The following LINGO2 variants were observed in gnomAD, a reference collection of about 807,000 sequenced individuals.
LINGO2 encodes the protein leucine-rich repeat and immunoglobulin-like domain-containing nogo receptor-interacting protein 2.
LINGO2 carries 14 observed loss-of-function variants against 30.6 expected under a neutral mutation model. The ratio of observed to expected loss-of-function variants is 0.46; its 90% CI spans 0.30 to 0.72. LINGO2 has a LOEUF of 0.72. Among genes scored for constraint, LINGO2 ranks in the 30% least tolerant of loss-of-function variants. LINGO2 has a pLI of 0.07. For missense variants in LINGO2, 729 were observed against 751.7 expected (o/e 0.97, Z 0.35); for synonymous variants, 317 against 288.5 (o/e 1.10, Z -1.00).
At chr9:28,595,326 C>T (rs1421960864) in intron 1 of LINGO2, among the ~76,000 whole-genome samples, 3 of 151,956 alleles carry the variant, frequency 2.0e-5, no homozygotes. Context: ...ATGTTGAGCT[C>T]AACTTTTTCC....
the LINGO2 span, among the ~76,000 whole-genome samples, chr9:29,060,623 G>A: frequency 5.3e-5 from 8 of 151,914 alleles, no homozygotes; most frequent in African/African-American, 1.9e-4. Flanking sequence ...CCTACTCTAT[G>A]AGGTAAAACC....
At chr9:28,787,615 C>G in the LINGO2 span, among the ~76,000 whole-genome samples, 1 of 152,100 alleles carries the variant, frequency 6.6e-6, no homozygotes, top group South Asian at 2.1e-4. Flanking sequence ...GTGTCTTTTA[C>G]CCGGTAGTTC....
At chr9:29,073,353 G>A in the LINGO2 span, among the ~76,000 whole-genome samples, 2 of 152,024 alleles carry the variant, frequency 1.3e-5, no homozygotes, top group African/African-American at 4.8e-5. Flanking sequence ...GTTAAGTAAT[G>A]GGGGAAAAAA....
the LINGO2 span, among the ~76,000 whole-genome samples, chr9:29,001,089 GTA>G: frequency 1.1e-5 from 1 of 88,296 alleles, no homozygotes; most frequent in Middle Eastern, 6.7e-3. Context: ...TTGTATATTT[GTA>G]TGTGTGTGTG....
the LINGO2 span, among the ~76,000 whole-genome samples, chr9:29,212,612 C>A: frequency 6.6e-6 from 1 of 151,408 alleles, no homozygotes; most frequent in African/African-American, 2.4e-5. Context: ...AAAAAAAAAA[C>A]CTCTCTGGTA....
chr9:28,231,620 C>T lies in LINGO2; in HGVS notation c.-87+63588G>A, dbSNP rs151028553. On this transcript the variant is annotated intron_variant, in intron 4 of 5. Transcript: ENST00000379992. ...GTTTTAAGACATCTGACACTCTCTT[C>T]CCTAATGGGTTTCAAAGGACATACT... Among the ~76,000 whole-genome samples, 57 of 152,184 alleles carry T rather than the reference C, an allele frequency of 3.7e-4. 1 individual carries two copies. In the East Asian group the frequency reaches 9.3e-3, roughly 25 times the overall value.
intron 4 of LINGO2, among the ~76,000 whole-genome samples, chr9:28,138,933 GA>G (rs1161760686): frequency 1.3e-5 from 2 of 151,792 alleles, no homozygotes; most frequent in African/African-American, 4.8e-5. Flanking sequence ...ATTTGTCTAA[GA>G]AAAAAAATGG....
the LINGO2 span, among the ~76,000 whole-genome samples, chr9:29,014,608 A>G: frequency 0.014 from 2,111 of 152,294 alleles, 37 homozygotes; most frequent in African/African-American, 0.047. Flanking sequence ...AACCCAGTTA[A>G]TATGGCCTAG....
At chr9:28,502,644 T>A (rs968830199) in intron 1 of LINGO2, among the ~76,000 whole-genome samples, 2 of 152,098 alleles carry the variant, frequency 1.3e-5, no homozygotes, top group African/African-American at 4.8e-5. Flanking sequence ...TTGAATATTA[T>A]AGTGACATTT....
At chr9:28,430,107 C>CGCGCGA (rs1823595920) in intron 2 of LINGO2, among the ~76,000 whole-genome samples, 2 of 18,190 alleles carry the variant, frequency 1.1e-4, no homozygotes, top group Non-Finnish European at 4.9e-4. Context: ...CGCGCGCGCG[C>CGCGCGA]GCGTGTGTGT....
At chr9:28,727,807 T>C in the LINGO2 span, among the ~76,000 whole-genome samples, 107 of 152,228 alleles carry the variant, frequency 7.0e-4, no homozygotes, top group Middle Eastern at 0.017. Context: ...GTGGACCAGA[T>C]GTGGACCAAG....
intron 4 of LINGO2, among the ~76,000 whole-genome samples, chr9:28,278,090 C>T (rs776327467): frequency 1.4e-4 from 21 of 152,118 alleles, no homozygotes; most frequent in Non-Finnish European, 2.6e-4. Context: ...AAACCAGACA[C>T]AAGATTCCAT....
chr9:28,612,825 A>G (rs1825975908), intron 1 of LINGO2, among the ~76,000 whole-genome samples: 1 of 152,106 alleles, frequency 6.6e-6, no homozygotes, highest in African/African-American at 2.4e-5. Flanking sequence ...AAAGGGACAT[A>G]AGATTTTGGG....
the LINGO2 span, among the ~76,000 whole-genome samples, chr9:28,774,147 G>A: frequency 6.6e-6 from 1 of 151,676 alleles, no homozygotes; most frequent in Non-Finnish European, 1.5e-5. Flanking sequence ...CAAGAAACTT[G>A]AGCTTTCTCT....
the LINGO2 span, among the ~76,000 whole-genome samples, chr9:28,797,329 CATATATATATAT>C: frequency 4.6e-3 from 306 of 65,950 alleles, 4 homozygotes; most frequent in African/African-American, 0.015. Flanking sequence ...ATCATATATA[CATATATATATAT>C]ATATATATAT....
chr9:28,355,333 GTC>G lies in LINGO2; in HGVS notation c.-246+17501_-246+17502del, dbSNP rs372527860. The stretch of plus-strand genomic sequence containing the variant: ...TCTCTCTCTCTCTCTCTCTGTCTCT[GTC>G]TCTCTCTCTCTCTCTCTCTCCCTCC... On this transcript the variant is annotated intron_variant, in intron 3 of 5. Transcript: ENST00000379992. Among the ~76,000 whole-genome samples, 487 of 63,708 alleles carry G rather than the reference GTC, an allele frequency of 7.6e-3. 8 individuals carry two copies. Among genetic ancestry groups the G allele is most frequent in the African/African-American group, 0.019 (383 of 20,384 alleles). 41.8% of individuals were successfully genotyped at this position (63,708 alleles called of 152,430 possible). A position where few individuals can be genotyped will look rare whatever the true frequency, so the allele number is the denominator to read the frequency against.
chr9:28,167,923 T>C (rs1032917853), intron 4 of LINGO2, among the ~76,000 whole-genome samples: 2 of 152,194 alleles, frequency 1.3e-5, no homozygotes, highest in African/African-American at 4.8e-5. Context: ...GGCTTCTTCA[T>C]AGAAGTGAGG....
chr9:29,063,899 A>G, the LINGO2 span, among the ~76,000 whole-genome samples: 1 of 152,202 alleles, frequency 6.6e-6, no homozygotes, highest in Non-Finnish European at 1.5e-5. Flanking sequence ...TACATAACAA[A>G]GATGCTAGGA....
At chr9:29,198,075 G>T in the LINGO2 span, among the ~76,000 whole-genome samples, 1 of 152,014 alleles carries the variant, frequency 6.6e-6, no homozygotes, top group Non-Finnish European at 1.5e-5. Context: ...GCAGTAGTAG[G>T]CAAATGTATT....
Sources: allele counts gnomAD v4.1 joint callset (sites outside exome capture counted in the v4.1 genomes callset), GRCh38; gene constraint gnomAD v4.1.1; transcripts MANE v1.5; gene names NCBI Gene and HGNC (gene_info 2026-07-23, HGNC 2026-07-21).